The following SERPINB11 variants were observed in gnomAD, a reference collection of about 807,000 sequenced individuals.
SERPINB11 encodes serpin family B member 11.
Under a neutral mutation model 36.7 loss-of-function variants are expected in SERPINB11, and 32 were observed. The ratio of observed to expected loss-of-function variants is 0.87; its 90% CI spans 0.66 to 1.17. The LOEUF (loss-of-function observed/expected upper bound fraction) is 1.17. Ranked by LOEUF, SERPINB11 falls within the 50% of genes most tolerant of loss-of-function variation. The pLI, the probability that SERPINB11 is intolerant of heterozygous loss-of-function variation, is 0.00. For missense variants in SERPINB11, 528 were observed against 458.4 expected, an observed-to-expected ratio of 1.15 and a Z score of -1.39; for synonymous variants, 174 against 168.1, an observed-to-expected ratio of 1.04 and a Z score of -0.27.
upstream of SERPINB11, among the ~76,000 whole-genome samples, chr18:63,702,667 T>C (rs569753096): frequency 6.6e-6 from 1 of 152,294 alleles, no homozygotes; most frequent in South Asian, 2.1e-4. Flanking sequence ...TTACAAATTT[T>C]ATTTTTATTT....
intron 5 of SERPINB11, among the ~76,000 whole-genome samples, chr18:63,717,206 A>G (rs78060981): frequency 0.022 from 3,416 of 152,096 alleles, 50 homozygotes; most frequent in Middle Eastern, 0.034. Flanking sequence ...TACACATTGC[A>G]TGGTTTGTTC....
intron 2 of SERPINB11, 124 bp downstream of exon 2, chr18:63,710,485 T>C (rs528054800): frequency 5.9e-6 from 4 of 681,724 alleles, no homozygotes; most frequent in African/African-American, 1.8e-5. Context: ...AAAAACACAT[T>C]GAATAAATCA....
At chr18:63,710,729 TAAAAA>T (rs1166458887) in intron 2 of SERPINB11, among the ~76,000 whole-genome samples, 1 of 152,166 alleles carries the variant, frequency 6.6e-6, no homozygotes, top group Non-Finnish European at 1.5e-5. Flanking sequence ...ATTACCAAGT[TAAAAA>T]ATTTTCATGA....
In SERPINB11 at chr18:63,710,275, A is replaced by G. The variant is rs765667565; in HGVS notation, c.82A>G (p.Ile28Val). 14 of 1,613,742 alleles carry G rather than the reference A, an allele frequency of 8.7e-6. No homozygotes were observed. The South Asian group carries it at 1.3e-4, about 15-fold the overall frequency. Reference protein sequence around the residue: ...ELNSNNIGDNIFFSSLSLLYA... With the variant: ...ELNSNNIGDNVFFSSLSLLYA... ...GAACAGTAACAACATAGGAGATAAC[A>G]TCTTCTTTTCTTCGCTGAGTCTGCT... Residue 28 changes from isoleucine to valine, a missense_variant, in exon 2 of 8, where the codon ATC (isoleucine) becomes GTC (valine). Ile to Val is a conservative substitution (Grantham distance 29). Coordinates refer to ENST00000544088, the MANE Select transcript of SERPINB11 (RefSeq NM_001370475.1).
At chr18:63,711,494 G>C (rs1193704822) in intron 3 of SERPINB11, 100 bp downstream of exon 3, 1 of 862,662 alleles carries the variant, frequency 1.2e-6, no homozygotes, top group East Asian at 2.4e-5. Context: ...TTTTGCCCAT[G>C]AGGGAACCAG....
At chr18:63,711,739 C>T (rs1044473685) in intron 3 of SERPINB11, among the ~76,000 whole-genome samples, 9 of 152,084 alleles carry the variant, frequency 5.9e-5, no homozygotes, top group African/African-American at 2.2e-4. Flanking sequence ...GACCCTGATG[C>T]TTGGCATATA....
intron 7 of SERPINB11, among the ~76,000 whole-genome samples, chr18:63,722,154 A>G (rs986920803): frequency 2.0e-5 from 3 of 152,212 alleles, no homozygotes; most frequent in Non-Finnish European, 4.4e-5. Context: ...GCATGAAGTC[A>G]TAGTCTCTTG....
At chr18:63,703,280 T>C (rs967044359) in intron 1 of SERPINB11, among the ~76,000 whole-genome samples, 8 of 152,256 alleles carry the variant, frequency 5.3e-5, no homozygotes, top group African/African-American at 1.9e-4. Context: ...TGATATTTTC[T>C]ACTTACTAAT....
At chr18:63,705,330 G>T (rs1191534096) in intron 1 of SERPINB11, 2 of 152,042 alleles carry the variant, frequency 1.3e-5, no homozygotes, top group African/African-American at 4.8e-5. Flanking sequence ...ACCTGCCTCC[G>T]CCTCCCAAAG....
At chr18:63,719,967 A>T in intron 5 of SERPINB11, 46 bp from the exon 6 acceptor site, 15 of 1,495,640 alleles carry the variant, frequency 1.0e-5, no homozygotes, top group Non-Finnish European at 1.4e-5. Flanking sequence ...CCTCTCTATT[A>T]TCAGGAGTTC....
At position 63,710,463 on chromosome 18, in the gene SERPINB11, T is replaced by C. The variant is rs1369693207; in HGVS notation, c.168+102T>C. On this transcript the variant is annotated intron_variant, in intron 2 of 7. Coordinates refer to ENST00000544088, the MANE Select transcript of SERPINB11 (RefSeq NM_001370475.1). ...TATCTTTATACCAATAAAATTGCCA[T>C]CTTGAGAGAGAAAAAACACATTGAA... The C allele has an allele frequency of 1.1e-5, 10 of 915,464 alleles. No individual in the cohort carries two copies. In the East Asian group the frequency reaches 2.4e-4, roughly 22 times the overall value. The allele number at this position is 915,464 out of a possible 1,614,324, so 56.7% of individuals were successfully genotyped here.
Position 63,710,219 on chromosome 18 carries a change from T to C in SERPINB11, c.26T>C (p.Val9Ala), listed in dbSNP as rs1490122468. 18 of 1,611,466 alleles carry C rather than the reference T, an allele frequency of 1.1e-5. No homozygotes were observed. The highest frequency in any genetic ancestry group is 1.5e-5 in the Non-Finnish European group (18 of 1,179,060). MGSLSTAN[V>A]EFCLDVFKEL... Reference sequence around the variant, plus strand: ...ATGGGTTCTCTCAGCACAGCTAACGTTGAATTTTGCCTTGATGTGTTCAAA... The same window carrying C: ...ATGGGTTCTCTCAGCACAGCTAACGCTGAATTTTGCCTTGATGTGTTCAAA... Residue 9 changes from valine to alanine, a missense_variant, in exon 2 of 8, where the codon GTT becomes GCT. Val to Ala is a moderately conservative substitution (Grantham distance 64). Transcript: ENST00000544088.
rs1304145462 is a variant in SERPINB11 at position 63,711,375 on chromosome 18, G to C, written c.209G>C (p.Gly70Ala). The change falls in exon 3 of 8, where the codon GGG (glycine) becomes GCG (alanine). Residue 70 changes from glycine (G) to alanine (A), a missense_variant. Physicochemically the swap from Gly to Ala is moderately conservative, Grantham distance 60. Coordinates refer to ENST00000544088, the MANE Select transcript of SERPINB11 (RefSeq NM_001370475.1). ...FSHTVDSLKP[G>A]FKDSPKCSQA... ...CATACTGTAGACTCATTAAAACCAG[G>C]GTTCAAGGACTCACCTAAGGTATGA... is the stretch of plus-strand genomic sequence containing the variant. The C allele has an allele frequency of 3.1e-6, 5 of 1,609,444 alleles. No individual in the cohort carries two copies. The highest frequency in any genetic ancestry group is 2.5e-6 in the Non-Finnish European group (3 of 1,176,604).
chr18:63,721,113 A>T (rs544532554), intron 7 of SERPINB11, 127 bp downstream of exon 7: 4 of 940,280 alleles, frequency 4.3e-6, no homozygotes, highest in Non-Finnish European at 6.3e-6. Context: ...CCTTAGTAGG[A>T]TTGTCCCGGG....
intron 5 of SERPINB11, among the ~76,000 whole-genome samples, chr18:63,719,571 T>C (rs1914751440): frequency 6.6e-6 from 1 of 152,142 alleles, no homozygotes; most frequent in South Asian, 2.1e-4. Context: ...GTATATATAT[T>C]TGTAATACAC....
At chr18:63,706,882 C>CTGTGACCTCT (rs1914385755) in intron 1 of SERPINB11, among the ~76,000 whole-genome samples, 1 of 152,184 alleles carries the variant, frequency 6.6e-6, no homozygotes, top group Non-Finnish European at 1.5e-5. Flanking sequence ...TCCTCTTAGA[C>CTGTGACCTCT]TAGCTACCTC....
At chr18:63,719,758 A>G (rs949036296) in intron 5 of SERPINB11, among the ~76,000 whole-genome samples, 2 of 152,240 alleles carry the variant, frequency 1.3e-5, no homozygotes, top group Non-Finnish European at 2.9e-5. Context: ...CATAAGACAA[A>G]TTGATCCATC....
At chr18:63,722,862 A>G in intron 7 of SERPINB11, 133 bp from the exon 8 acceptor site, 1 of 848,598 alleles carries the variant, frequency 1.2e-6, no homozygotes. Flanking sequence ...GTTCCCAGGT[A>G]AGTAGACTGT....
chr18:63,704,761 G>C (rs1914327517), intron 1 of SERPINB11, among the ~76,000 whole-genome samples: 1 of 152,170 alleles, frequency 6.6e-6, no homozygotes. Flanking sequence ...CAAGACTCAA[G>C]ATTCTGAATA....
Sources: gnomAD v4.1 joint callset for allele counts (sites outside exome capture counted in the v4.1 genomes callset) on GRCh38, gnomAD v4.1.1 for gene constraint, MANE v1.5 for transcripts, NCBI Gene and HGNC (gene_info 2026-07-23, HGNC 2026-07-21) for gene names.